The following TUBGCP5 variants were observed in gnomAD, a reference collection of about 807,000 sequenced individuals.
TUBGCP5 encodes tubulin gamma complex component 5.
Under a neutral mutation model 134.7 loss-of-function variants are expected in TUBGCP5, and 98 were observed. That is an observed-to-expected ratio of 0.73 (90% CI 0.62 to 0.86). The LOEUF is 0.86. Ranked by LOEUF, TUBGCP5 falls within the 40% of genes least tolerant of loss-of-function variation. The pLI, the probability that TUBGCP5 is intolerant of heterozygous loss-of-function variation, is 0.00. For synonymous variants in TUBGCP5, 456 were observed against 431.4 expected (o/e 1.06, Z -0.71); for missense variants, 1,150 against 1,244.8 (o/e 0.92, Z 1.15).
intron 13 of TUBGCP5, among the ~76,000 whole-genome samples, chr15:23,017,145 A>G (rs1405240742): frequency 6.6e-6 from 1 of 151,820 alleles, no homozygotes; most frequent in Admixed American, 6.6e-5. Context: ...ATTAGTAAAA[A>G]GTAGAACAGG....
At chr15:23,039,209 G>T (rs2066772409) in intron 1 of TUBGCP5, among the ~76,000 whole-genome samples, 189 bp downstream of exon 1, 1 of 151,866 alleles carries the variant, frequency 6.6e-6, no homozygotes, top group African/African-American at 2.4e-5. Context: ...CCTGTGGTGC[G>T]CAGGGCACCG....
rs1483705487 is a variant in TUBGCP5, at chr15:23,032,004, T to G, written c.432A>C (p.Gly144=). ...EVEKKDDFDW[G]KYLMEDEEMD... The stretch of plus-strand genomic sequence containing the variant: ...TTTCTTCATCTTCCATCAAGTATTT[T>G]CCCCAGTCGAAATCATCTTTCTTTT... The change falls in exon 5 of 23, where the codon GGA becomes GGC. Residue 144 remains glycine (G), a synonymous_variant. Coordinates refer to ENST00000615383, the MANE Select transcript of TUBGCP5 (RefSeq NM_052903.6). 6.2e-7 allele frequency: 1 copy of G among 1,612,496 alleles called. No individual in the cohort carries two copies.
Position 23,009,935 on chromosome 15 carries a change from ACT to A in TUBGCP5, c.2144+8_2144+9del. On this transcript the variant is annotated splice_region_variant and intron_variant, in intron 15 of 22. Coordinates refer to ENST00000615383, the MANE Select transcript of TUBGCP5 (RefSeq NM_052903.6). ...TATTTACTACTTCCAAAATTAAATT[ACT>A]CTTTTACCTGTAATCTTTTTTTAGA... 6.2e-7 allele frequency: 1 copy of A among 1,604,208 alleles called. No individual in the cohort carries two copies. Among genetic ancestry groups the A allele is most frequent in the Admixed American group, 1.7e-5 (1 of 58,804 alleles).
chr15:23,033,389 C>T (rs1387486178), intron 3 of TUBGCP5, among the ~76,000 whole-genome samples: 1 of 152,094 alleles, frequency 6.6e-6, no homozygotes, highest in Non-Finnish European at 1.5e-5. Flanking sequence ...AGTGATTCTC[C>T]TGTCTCAGCC....
Position 23,021,980 on chromosome 15 carries a change from A to C in TUBGCP5, c.1350T>G (p.Val450=), listed in dbSNP as rs774405438. The change falls in exon 11 of 23, where the codon GTT becomes GTG. Residue 450 remains valine (V), a synonymous_variant. Transcript: ENST00000615383. ...LYKAILEYDN[V]GEASEQTVSL... ...TTACGGTTTGCTCAGAGGCTTCTCC[A>C]ACATTGTCATATTCAAGAATGGCCT... 4 of 1,614,086 alleles carry C rather than the reference A, an allele frequency of 2.5e-6. No individual in the cohort carries two copies. The Admixed American group carries it at 6.7e-5, about 27-fold the overall frequency.
chr15:22,999,791 G>C lies in TUBGCP5; in HGVS notation c.*29C>G. On this transcript the variant is annotated 3_prime_UTR_variant, in exon 23 of 23. Coordinates refer to ENST00000615383, the MANE Select transcript of TUBGCP5 (RefSeq NM_052903.6). Reference sequence around the variant, plus strand: ...GGAAATGTACATGTATGATGACAAAGTCGGAGATATTTATTACGCTGAAGA... The same window carrying C: ...GGAAATGTACATGTATGATGACAAACTCGGAGATATTTATTACGCTGAAGA... The C allele has an allele frequency of 6.2e-7, 1 of 1,608,638 alleles. No homozygotes were observed. Among genetic ancestry groups the C allele is most frequent in the Non-Finnish European group, 8.5e-7 (1 of 1,174,984 alleles).
chr15:22,998,680 TC>T (rs954468643), downstream of TUBGCP5, among the ~76,000 whole-genome samples: 3 of 151,982 alleles, frequency 2.0e-5, no homozygotes, highest in Non-Finnish European at 4.4e-5. Context: ...AGTGGTACAA[TC>T]TAGGCTCACC....
At chr15:23,012,300 C>T (rs2065084039) in intron 13 of TUBGCP5, among the ~76,000 whole-genome samples, 1 of 152,024 alleles carries the variant, frequency 6.6e-6, no homozygotes, top group Admixed American at 6.6e-5. Flanking sequence ...ATAAGTATTG[C>T]ATCTACTTAT....
chr15:23,032,018 C>A lies in TUBGCP5; in HGVS notation c.418G>T (p.Asp140Tyr). 3 of 1,610,828 alleles carry A rather than the reference C, an allele frequency of 1.9e-6. No individual in the cohort carries two copies. Among genetic ancestry groups the A allele is most frequent in the Non-Finnish European group, 2.5e-6 (3 of 1,178,108 alleles). The change falls in exon 5 of 23, where the codon GAT becomes TAT. Residue 140 changes from aspartate to tyrosine, a missense_variant. Coordinates refer to ENST00000615383, the MANE Select transcript of TUBGCP5 (RefSeq NM_052903.6). ...ATCAAGTATTTTCCCCAGTCGAAATCATCTTTCTTTTCTAAAATGTAACAG... is the reference window on the plus strand; with the variant it reads ...ATCAAGTATTTTCCCCAGTCGAAATAATCTTTCTTTTCTAAAATGTAACAG... ...PRNKEVEKKD[D>Y]FDWGKYLMED...
At chr15:23,035,971 A>G (rs974380611) in intron 3 of TUBGCP5, among the ~76,000 whole-genome samples, 2 of 152,226 alleles carry the variant, frequency 1.3e-5, no homozygotes, top group Admixed American at 6.5e-5. Flanking sequence ...ATTGAAATAC[A>G]TAGCATGTGT....
intron 12 of TUBGCP5, 122 bp from the exon 13 acceptor site, chr15:23,018,163 C>G (rs1334526635): frequency 3.0e-6 from 3 of 986,874 alleles, no homozygotes; most frequent in Non-Finnish European, 4.4e-6. Flanking sequence ...CTGAAGCAAA[C>G]TTTAGGCAAA....
intron 21 of TUBGCP5, 102 bp from the exon 22 acceptor site, chr15:23,000,771 A>G: frequency 1.2e-6 from 1 of 839,044 alleles, no homozygotes; most frequent in Non-Finnish European, 1.8e-6. Flanking sequence ...TGGTTTAATT[A>G]TTTAAAATCC....
chr15:22,986,486 C>T (rs1421433587), intron 23 of TUBGCP5, among the ~76,000 whole-genome samples: 3 of 152,054 alleles, frequency 2.0e-5, no homozygotes. Flanking sequence ...CCTGTAATCC[C>T]AGCACTTTGG....
At position 23,019,276 on chromosome 15, in the gene TUBGCP5, T is replaced by C; in HGVS notation, c.1430A>G (p.Asp477Gly). 6.2e-7 allele frequency: 1 copy of C among 1,614,014 alleles called. No individual in the cohort carries two copies. Among genetic ancestry groups the C allele is most frequent in the Non-Finnish European group, 8.5e-7 (1 of 1,180,000 alleles). ...ETVRPYLQTV[D>G]EWIVHGHLWD... is the part of the protein sequence containing the mutation. ...CAGGTGCCCGTGCACGATCCACTCG[T>C]CCACCGTCTGCAGGTAAGGCCGCAC... The change falls in exon 12 of 23, where the codon GAC becomes GGC. Residue 477 changes from aspartate to glycine, a missense_variant. By Grantham distance (94) the Asp-to-Gly change is moderately conservative. This residue lies in a region of TUBGCP5 where 697 missense variants were observed against 850.1 expected (regional missense o/e 0.82). Coordinates refer to ENST00000615383, the MANE Select transcript of TUBGCP5 (RefSeq NM_052903.6).
intron 20 of TUBGCP5, 97 bp from the exon 21 acceptor site, chr15:23,003,250 A>G (rs540700045): frequency 3.3e-6 from 4 of 1,211,576 alleles, no homozygotes; most frequent in African/African-American, 1.5e-5. Context: ...GAAAAAGTTC[A>G]TCACCACAGT....
downstream of TUBGCP5, among the ~76,000 whole-genome samples, chr15:22,997,689 TC>T (rs1391813745): frequency 6.6e-6 from 1 of 151,618 alleles, no homozygotes; most frequent in Admixed American, 6.6e-5. Flanking sequence ...TGATCTCAGC[TC>T]ACTGCAACCT....
chr15:23,001,640 GCTTT>G lies in TUBGCP5; in HGVS notation c.2928-975_2928-972del, dbSNP rs561457776. Among the ~76,000 whole-genome samples, 189 of 151,256 alleles carry G rather than the reference GCTTT, an allele frequency of 1.2e-3. 1 individual carries two copies. The highest frequency in any genetic ancestry group is 6.9e-3 in the Middle Eastern group (2 of 290). On this transcript the variant is annotated intron_variant, in intron 21 of 22. Coordinates refer to ENST00000615383, the MANE Select transcript of TUBGCP5 (RefSeq NM_052903.6). The stretch of plus-strand genomic sequence containing the variant: ...TTACAGGCGTAAGCCACTGTGCTCG[GCTTT>G]CTTTCTTTCTTTTTTTTTTTTTTAA...
chr15:23,012,374 C>T (rs962602967), intron 13 of TUBGCP5, among the ~76,000 whole-genome samples: 24 of 152,140 alleles, frequency 1.6e-4, no homozygotes, highest in African/African-American at 5.8e-4. Context: ...TAAATAAGGT[C>T]ACATCTTTAT....
At chr15:23,010,899 A>T (rs1351227358) in intron 14 of TUBGCP5, among the ~76,000 whole-genome samples, 1 of 151,734 alleles carries the variant, frequency 6.6e-6, no homozygotes, top group Non-Finnish European at 1.5e-5. Flanking sequence ...AAATTGCTTA[A>T]CCTGGGAGGC....
Sources: gnomAD v4.1 joint callset for allele counts (sites outside exome capture counted in the v4.1 genomes callset) on GRCh38, gnomAD v4.1.1 for gene constraint, gnomAD v4.1.1 regional missense constraint, MANE v1.5 for transcripts, NCBI Gene and HGNC (gene_info 2026-07-23, HGNC 2026-07-21) for gene names.